Variants in PPP1R13B observed in about 807,000 individuals in gnomAD.
PPP1R13B encodes the protein apoptosis-stimulating of p53 protein 1.
A neutral mutation model predicts 119.8 loss-of-function variants in PPP1R13B; 44 were observed. That is an observed-to-expected ratio of 0.37 (90% confidence interval 0.29 to 0.47). PPP1R13B has a LOEUF of 0.47. PPP1R13B is among the 20% of genes least tolerant of loss of function. PPP1R13B has a pLI of 0.99. For missense variants in PPP1R13B, 1,227 were observed against 1,413.5 expected (o/e 0.87, Z 2.12); for synonymous variants, 542 against 561.5 (o/e 0.97, Z 0.49).
chr14:103,802,902 C>T (rs1313933686), intron 1 of PPP1R13B, among the ~76,000 whole-genome samples: 1 of 152,146 alleles, frequency 6.6e-6, no homozygotes, highest in Non-Finnish European at 1.5e-5. Flanking sequence ...CGCAATAACC[C>T]TGTCTTTCCT....
intron 1 of PPP1R13B, among the ~76,000 whole-genome samples, chr14:103,819,513 A>AC (rs1431901981): frequency 6.8e-6 from 1 of 146,238 alleles, no homozygotes; most frequent in African/African-American, 2.6e-5. Flanking sequence ...AAAAACAAAC[A>AC]AACAAAAAAA....
chr14:103,776,616 T>C (rs2152012567), intron 4 of PPP1R13B, among the ~76,000 whole-genome samples: 1 of 152,352 alleles, frequency 6.6e-6, no homozygotes, highest in South Asian at 2.1e-4. Context: ...CTCACGCCTG[T>C]AATCCCAGAA....
rs753974309 is a variant in PPP1R13B, at chr14:103,746,428, T to C, written c.1095A>G (p.Ile365Met). The change falls in exon 9 of 17, where the codon ATA becomes ATG. Residue 365 changes from isoleucine (I) to methionine (M), a missense_variant. Physicochemically the swap from Ile to Met is conservative, Grantham distance 10 (BLOSUM62 1). Transcript: ENST00000202556. ...AGSFPVLGDPIKPQSLSIASN... is the reference protein window; with the variant it reads ...AGSFPVLGDPMKPQSLSIASN... ...AGGCAATACTGAGAGACTGGGGCTT[T>C]ATAGGGTCCCCCAGCACAGGAAAGC... The C allele has an allele frequency of 3.1e-6, 5 of 1,613,988 alleles. No individual in the cohort carries two copies. The highest frequency in any genetic ancestry group is 1.3e-5 in the African/African-American group (1 of 75,014).
chr14:103,753,961 T>C, intron 6 of PPP1R13B, 109 bp downstream of exon 6: 1 of 1,318,972 alleles, frequency 7.6e-7, no homozygotes, highest in Non-Finnish European at 1.0e-6. Flanking sequence ...TGAGCACGCT[T>C]GCTATTTAGT....
chr14:103,733,253 T>TG lies in PPP1R13B; in HGVS notation c.*1900dup, dbSNP rs112502838. ...AATTTGTGTATTGTCAATACTTAAT[T>TG]GGGGGTGGGAGAGACTGAGCTACAC... On this transcript the variant is annotated 3_prime_UTR_variant, in exon 17 of 17. Transcript: ENST00000202556. The TG allele has an allele frequency of 1.8e-6, 1 of 549,258 alleles. No homozygotes were observed. The allele number at this position is 549,258 out of a possible 1,614,324, so 34.0% of individuals were successfully genotyped here. A position where few individuals can be genotyped will look rare whatever the true frequency, so the allele number is the denominator to read the frequency against.
At chr14:103,792,560 A>G (rs2085649547) in intron 2 of PPP1R13B, among the ~76,000 whole-genome samples, 1 of 152,100 alleles carries the variant, frequency 6.6e-6, no homozygotes, top group South Asian at 2.1e-4. Context: ...TTTAAAGTAG[A>G]AAAAACACAA....
chr14:103,840,769 C>T (rs2086887910), intron 1 of PPP1R13B, among the ~76,000 whole-genome samples: 1 of 148,954 alleles, frequency 6.7e-6, no homozygotes. Context: ...CCAGCCTGGG[C>T]AACAGAAGGA....
At chr14:103,809,906 A>T (rs1388563773) in intron 1 of PPP1R13B, among the ~76,000 whole-genome samples, 1 of 151,342 alleles carries the variant, frequency 6.6e-6, no homozygotes, top group African/African-American at 2.4e-5. Flanking sequence ...GGCTCACTGC[A>T]ACCTCTGCCT....
intron 8 of PPP1R13B, among the ~76,000 whole-genome samples, chr14:103,748,672 C>A (rs2084460737): frequency 6.6e-6 from 1 of 152,220 alleles, no homozygotes; most frequent in African/African-American, 2.4e-5. Flanking sequence ...AGTGCCACAT[C>A]CGGCCAAAGA....
chr14:103,818,465 T>C (rs1473327804), intron 1 of PPP1R13B: 1 of 973,758 alleles, frequency 1.0e-6, no homozygotes, highest in East Asian at 1.1e-4. Flanking sequence ...TTCTCAATGT[T>C]AATATTGTCA....
chr14:103,796,195 A>G (rs968962494), intron 2 of PPP1R13B, among the ~76,000 whole-genome samples: 1 of 152,136 alleles, frequency 6.6e-6, no homozygotes, highest in African/African-American at 2.4e-5. Context: ...AGGTGGGAGC[A>G]CTGCTTGAGC....
rs376962916 is a variant in PPP1R13B at position 103,739,920 on chromosome 14, C to G, written c.2496G>C (p.Gln832His). Residue 832 changes from glutamine (Q) to histidine (H), a missense_variant, in exon 12 of 17, where the codon CAG becomes CAC. Transcript: ENST00000202556. Reference protein sequence around the residue: ...NNVATVPTTEQIPSPVAEAPS... With the variant: ...NNVATVPTTEHIPSPVAEAPS... The stretch of plus-strand genomic sequence containing the variant: ...GGGCCTCAGCCACAGGACTCGGGAT[C>G]TGCTCCGTGGTGGGGACCGTGGCCA... 1.7e-5 allele frequency: 27 copies of G among 1,614,004 alleles called. No individual in the cohort carries two copies. Among genetic ancestry groups the G allele is most frequent in the Non-Finnish European group, 2.1e-5 (25 of 1,180,046 alleles).
At chr14:103,766,218 C>T (rs1397265283) in intron 4 of PPP1R13B, among the ~76,000 whole-genome samples, 1 of 152,038 alleles carries the variant, frequency 6.6e-6, no homozygotes, top group Non-Finnish European at 1.5e-5. Context: ...CCATGTTATC[C>T]AGGATGGTCT....
chr14:103,774,792 T>C (rs2085149139), intron 4 of PPP1R13B, among the ~76,000 whole-genome samples: 1 of 152,200 alleles, frequency 6.6e-6, no homozygotes, highest in South Asian at 2.1e-4. Context: ...TATCTTAAAA[T>C]GCACGTAAAA....
At chr14:103,757,300 T>A (rs1262769400) in intron 5 of PPP1R13B, among the ~76,000 whole-genome samples, 1 of 151,520 alleles carries the variant, frequency 6.6e-6, no homozygotes. Context: ...GCAATCCTCC[T>A]GCCTTGGCCT....
At chr14:103,782,640 A>G (rs1231028910) in intron 3 of PPP1R13B, among the ~76,000 whole-genome samples, 1 of 152,168 alleles carries the variant, frequency 6.6e-6, no homozygotes, top group Non-Finnish European at 1.5e-5. Context: ...TGTGCTATTA[A>G]CTGTTTTAAT....
In PPP1R13B at chr14:103,737,864, G is replaced by C. The variant is rs777639723; in HGVS notation, c.2865-4C>G. 20 of 1,612,446 alleles carry C rather than the reference G, an allele frequency of 1.2e-5. No individual in the cohort carries two copies. The highest frequency in any genetic ancestry group is 1.2e-5 in the Non-Finnish European group (14 of 1,179,326). On this transcript the variant is annotated splice_polypyrimidine_tract_variant and splice_region_variant and intron_variant, in intron 14 of 16. Transcript: ENST00000202556. Reference sequence around the variant, plus strand: ...GGCAGCGCAGTGCAGCGGCGTCCTGGAATAGAGCGTGGGTGAAGGTGCAGG... The same window carrying C: ...GGCAGCGCAGTGCAGCGGCGTCCTGCAATAGAGCGTGGGTGAAGGTGCAGG...
At chr14:103,748,967 TTTA>T (rs1447830170) in intron 8 of PPP1R13B, among the ~76,000 whole-genome samples, 10 of 152,326 alleles carry the variant, frequency 6.6e-5, no homozygotes, top group Middle Eastern at 6.8e-3. Flanking sequence ...CCTTTGTGTC[TTTA>T]TTAGGGAAAA....
Position 103,734,942 on chromosome 14 carries a change from T to A in PPP1R13B, c.*212A>T. ...ATTTATAGTAATTGGCAAAATTCAG[T>A]CCTTGGAGGCGAAAGTACCTCTCCC... On this transcript the variant is annotated 3_prime_UTR_variant, in exon 17 of 17. Transcript: ENST00000202556. 1 of 693,080 alleles carries A rather than the reference T, an allele frequency of 1.4e-6. No homozygotes were observed. Among genetic ancestry groups the A allele is most frequent in the Non-Finnish European group, 2.6e-6 (1 of 380,764 alleles). 42.9% of individuals were successfully genotyped at this position (693,080 alleles called of 1,614,324 possible).
Sources: allele counts gnomAD v4.1 joint callset (sites outside exome capture counted in the v4.1 genomes callset), GRCh38; gene constraint gnomAD v4.1.1; transcripts MANE v1.5; gene names NCBI Gene and HGNC (gene_info 2026-07-23, HGNC 2026-07-21).